Variants in SNTG1 observed in about 807,000 individuals in gnomAD.
The protein encoded by SNTG1 is syntrophin gamma 1, also known as gamma-1-syntrophin.
A neutral mutation model predicts 74.7 loss-of-function variants in SNTG1; 39 were observed. The ratio of observed to expected loss-of-function variants is 0.52; its 90% CI spans 0.40 to 0.68. The LOEUF (loss-of-function observed/expected upper bound fraction) is 0.68, where lower values mean the gene tolerates loss of function less well. SNTG1 is among the 30% of genes least tolerant of loss of function. The probability of loss-of-function intolerance (pLI) is 0.00; values close to 1 mark genes in which losing one functional copy is unlikely to be tolerated. For synonymous variants in SNTG1, 254 were observed against 217.1 expected, an observed-to-expected ratio of 1.17 and a Z score of -1.49; for missense variants, 685 against 609.5, an observed-to-expected ratio of 1.12 and a Z score of -1.30.
At chr8:50,196,165 C>T (rs2083761107) in intron 2 of SNTG1, among the ~76,000 whole-genome samples, 1 of 152,128 alleles carries the variant, frequency 6.6e-6, no homozygotes, top group East Asian at 1.9e-4. Flanking sequence ...TCTAATGATT[C>T]TCTATCTGAG....
intron 2 of SNTG1, among the ~76,000 whole-genome samples, chr8:50,262,636 C>T (rs187598300): frequency 6.1e-4 from 93 of 152,218 alleles, no homozygotes; most frequent in Non-Finnish European, 1.1e-3. Flanking sequence ...GTCTCGATCT[C>T]CTGACTTTGT....
intron 1 of SNTG1, among the ~76,000 whole-genome samples, chr8:49,988,350 C>A (rs937679552): frequency 1.3e-5 from 2 of 152,236 alleles, no homozygotes; most frequent in African/African-American, 2.4e-5. Context: ...TAGCAGAAGA[C>A]TTCAAAGCAG....
rs561714659 is a variant in SNTG1, at chr8:50,547,497, T to C, written c.681-5553T>C. ...ACAATTCTAGATGAATTTTGTATAG[T>C]TCTTTCAATCTAGGGCAAATTATCT... On this transcript the variant is annotated intron_variant, in intron 11 of 18. Transcript: ENST00000642720. Among the ~76,000 whole-genome samples the C allele has an allele frequency of 3.3e-5, 5 of 152,308 alleles. No homozygotes were observed. In the South Asian group the frequency reaches 1.0e-3, roughly 32 times the overall value.
chr8:50,201,995 CAACACCTTTATCAA>C (rs2084005478), intron 2 of SNTG1, among the ~76,000 whole-genome samples: 1 of 152,108 alleles, frequency 6.6e-6, no homozygotes, highest in South Asian at 2.1e-4. Context: ...TCTCCATGGG[CAACACCTTTATCAA>C]ATACAGCACC....
intron 1 of SNTG1, among the ~76,000 whole-genome samples, chr8:50,072,945 G>A (rs1821503266): frequency 6.6e-6 from 1 of 152,152 alleles, no homozygotes; most frequent in East Asian, 1.9e-4. Flanking sequence ...TGAGCCTTCA[G>A]TGAGTTATAA....
At chr8:50,144,941 G>A (rs1351163792) in intron 1 of SNTG1, among the ~76,000 whole-genome samples, 1 of 152,162 alleles carries the variant, frequency 6.6e-6, no homozygotes, top group Non-Finnish European at 1.5e-5. Context: ...TCAGGAAAGA[G>A]AGCAGGACTT....
chr8:49,938,592 C>CTTTT (rs1244932981), intron 1 of SNTG1, among the ~76,000 whole-genome samples: 2,463 of 18,054 alleles, frequency 0.14, 83 homozygotes, highest in South Asian at 0.35. Flanking sequence ...CTTTTCTTTT[C>CTTTT]TTTTCTTTTC....
At chr8:49,987,605 C>T (rs570323303) in intron 1 of SNTG1, among the ~76,000 whole-genome samples, 8 of 150,780 alleles carry the variant, frequency 5.3e-5, no homozygotes, top group Admixed American at 1.3e-4. Flanking sequence ...AATATTAGGT[C>T]GGTGCAAAAG....
At chr8:50,499,636 T>C (rs965803059) in intron 8 of SNTG1, among the ~76,000 whole-genome samples, 1 of 151,910 alleles carries the variant, frequency 6.6e-6, no homozygotes, top group African/African-American at 2.4e-5. Context: ...CTTTAGTCTT[T>C]TACTATTTAG....
intron 13 of SNTG1, chr8:50,644,491 A>C (rs1336274731): frequency 6.6e-6 from 1 of 152,202 alleles, no homozygotes; most frequent in Non-Finnish European, 1.5e-5. Context: ...TTTCTTAATC[A>C]CATTTTCTCT....
At chr8:50,110,906 T>A (rs1358052265) in intron 1 of SNTG1, among the ~76,000 whole-genome samples, 3 of 152,166 alleles carry the variant, frequency 2.0e-5, no homozygotes, top group Non-Finnish European at 4.4e-5. Flanking sequence ...TACATTGGAA[T>A]TTCAAATAAC....
chr8:50,209,924 T>A (rs2084431829), intron 2 of SNTG1, among the ~76,000 whole-genome samples: 2 of 152,174 alleles, frequency 1.3e-5, no homozygotes, highest in Admixed American at 1.3e-4. Context: ...AATAAGAAAC[T>A]TCTCTGAACT....
chr8:50,253,684 CA>C (rs2086747793), intron 2 of SNTG1, among the ~76,000 whole-genome samples: 1 of 151,408 alleles, frequency 6.6e-6, no homozygotes, highest in Non-Finnish European at 1.5e-5. Context: ...TATACACACA[CA>C]CATATATAAA....
At chr8:50,003,557 T>A (rs886292549) in intron 1 of SNTG1, among the ~76,000 whole-genome samples, 1 of 152,162 alleles carries the variant, frequency 6.6e-6, no homozygotes, top group African/African-American at 2.4e-5. Context: ...TTGATGTAAT[T>A]ATGGAATTTT....
intron 1 of SNTG1, among the ~76,000 whole-genome samples, chr8:50,033,335 G>T (rs1217645764): frequency 6.6e-6 from 1 of 152,010 alleles, no homozygotes; most frequent in African/African-American, 2.4e-5. Flanking sequence ...TGTTGGTCAG[G>T]CTGGTCTCGA....
At chr8:50,098,840 G>A (rs562625971) in intron 1 of SNTG1, among the ~76,000 whole-genome samples, 1 of 152,040 alleles carries the variant, frequency 6.6e-6, no homozygotes, top group Non-Finnish European at 1.5e-5. Flanking sequence ...AGATTTTGTG[G>A]AACATAAGTG....
chr8:50,494,266 A>G (rs2131902007), intron 8 of SNTG1, among the ~76,000 whole-genome samples: 1 of 152,130 alleles, frequency 6.6e-6, no homozygotes, highest in Non-Finnish European at 1.5e-5. Flanking sequence ...CCACTTGCTC[A>G]TAGCAAAATT....
In SNTG1 at chr8:49,982,149, T is replaced by C. The variant is rs181408779; in HGVS notation, c.-103+69918T>C. On this transcript the variant is annotated intron_variant, in intron 1 of 18. Coordinates refer to ENST00000642720, the MANE Select transcript of SNTG1 (RefSeq NM_018967.5). ...TCCTAGTTCCACATGAAATCACTTA[T>C]AAAAAGAAAAAGTACATCTATGCCC... Among the ~76,000 whole-genome samples the C allele has an allele frequency of 3.7e-3, 556 of 152,262 alleles. 3 individuals carry two copies. Among genetic ancestry groups the C allele is most frequent in the African/African-American group, 0.013 (530 of 41,566 alleles).
intron 1 of SNTG1, among the ~76,000 whole-genome samples, chr8:50,036,266 A>G (rs998436487): frequency 6.6e-6 from 1 of 152,190 alleles, no homozygotes; most frequent in Non-Finnish European, 1.5e-5. Flanking sequence ...TTGATAAGAA[A>G]ATGACAACTA....
Sources: gnomAD v4.1 joint callset for allele counts (sites outside exome capture counted in the v4.1 genomes callset) on GRCh38, gnomAD v4.1.1 for gene constraint, MANE v1.5 for transcripts, NCBI Gene and HGNC (gene_info 2026-07-23, HGNC 2026-07-21) for gene names.